The following TENM4 variants were observed in gnomAD, a reference collection of about 807,000 sequenced individuals.
TENM4 encodes the protein teneurin transmembrane protein 4, also known as teneurin-4.
Under a neutral mutation model 243.3 loss-of-function variants are expected in TENM4, and 82 were observed. The observed-to-expected ratio is 0.34, with a 90% CI of 0.28 to 0.40. The LOEUF (loss-of-function observed/expected upper bound fraction) is 0.40. TENM4 is among the 10% of genes least tolerant of loss of function. TENM4 has a pLI of 1.00. For synonymous variants in TENM4, 1,412 were observed against 1,456.3 expected, an observed-to-expected ratio of 0.97 and a Z score of 0.69; for missense variants, 3,138 against 3,673.3, an observed-to-expected ratio of 0.85 and a Z score of 3.77.
chr11:79,380,534 A>G (rs558247819), intron 1 of TENM4, among the ~76,000 whole-genome samples: 1 of 152,342 alleles, frequency 6.6e-6, no homozygotes, highest in African/African-American at 2.4e-5. Flanking sequence ...GATGTTAATA[A>G]GCATTAACAA....
intron 4 of TENM4, among the ~76,000 whole-genome samples, chr11:79,124,951 G>T (rs1447318771): frequency 6.8e-6 from 1 of 147,992 alleles, no homozygotes; most frequent in East Asian, 2.0e-4. Context: ...GATTAGTTCT[G>T]TCCCTCTAGA....
At chr11:78,668,198 T>C (rs1858209109) in intron 32 of TENM4, among the ~76,000 whole-genome samples, 1 of 152,222 alleles carries the variant, frequency 6.6e-6, no homozygotes, top group African/African-American at 2.4e-5. Context: ...TATTCTTTTT[T>C]TTCCCTCTTT....
chr11:79,072,498 AAAT>A (rs1036204268), intron 4 of TENM4, among the ~76,000 whole-genome samples: 10 of 151,984 alleles, frequency 6.6e-5, no homozygotes, highest in Non-Finnish European at 1.2e-4. Context: ...AAAAAAAAAA[AAAT>A]TACAATATCT....
At chr11:79,366,814 C>T (rs1857686306) in intron 1 of TENM4, among the ~76,000 whole-genome samples, 1 of 152,216 alleles carries the variant, frequency 6.6e-6, no homozygotes, top group Admixed American at 6.5e-5. Context: ...AATCACATCA[C>T]AATAAACAGT....
chr11:79,094,862 C>T (rs949574071), intron 4 of TENM4, among the ~76,000 whole-genome samples: 5 of 152,164 alleles, frequency 3.3e-5, no homozygotes, highest in Admixed American at 1.3e-4. Context: ...GCCTGATTTA[C>T]GAGGCTGCCT....
chr11:79,057,173 C>G (rs914492297), intron 6 of TENM4, among the ~76,000 whole-genome samples: 1 of 152,184 alleles, frequency 6.6e-6, no homozygotes, highest in African/African-American at 2.4e-5. Flanking sequence ...CTACTCTCAA[C>G]ACAGCTTCCA....
rs77599945 is a variant in TENM4, at chr11:78,670,743, G to A, written c.5794-192C>T. Among the ~76,000 whole-genome samples, 12 of 152,328 alleles carry A rather than the reference G, an allele frequency of 7.9e-5. No individual in the cohort carries two copies. In the East Asian group the frequency reaches 2.3e-3, roughly 29 times the overall value. On this transcript the variant is annotated intron_variant, in intron 31 of 33. Coordinates refer to ENST00000278550, the MANE Select transcript of TENM4 (RefSeq NM_001098816.3). ...GGGATACTGCAAATAGGTTACAGAT[G>A]TGCCAAGATGAGGCTTTCTCTCAGC...
intron 15 of TENM4, among the ~76,000 whole-genome samples, chr11:78,791,035 G>C (rs1327157935): frequency 6.6e-6 from 1 of 152,050 alleles, no homozygotes; most frequent in Non-Finnish European, 1.5e-5. Flanking sequence ...TTTACAAGCT[G>C]GGTTGTGAGC....
Position 78,812,740 on chromosome 11 carries a change from C to T in TENM4, c.1784-424G>A, listed in dbSNP as rs73498555. Among the ~76,000 whole-genome samples the T allele has an allele frequency of 9.0e-3, 1,373 of 152,256 alleles. 11 individuals are homozygous for T. Among genetic ancestry groups the T allele is most frequent in the Middle Eastern group, 0.027 (8 of 292 alleles). ...TCACTTCCCCACACCTCATCTGCAG[C>T]GCCACTTACTGTCCTCTTTAACCCA... On this transcript the variant is annotated intron_variant, in intron 13 of 33. Transcript: ENST00000278550.
At chr11:78,983,836 C>T (rs61882031) in intron 6 of TENM4, among the ~76,000 whole-genome samples, 1,977 of 152,320 alleles carry the variant, frequency 0.013, 25 homozygotes, top group Admixed American at 0.037. Flanking sequence ...GAGAGGGAGG[C>T]AGGAGCCCTG....
chr11:79,312,752 C>T (rs545564900), intron 1 of TENM4, among the ~76,000 whole-genome samples: 1 of 152,326 alleles, frequency 6.6e-6, no homozygotes, highest in South Asian at 2.1e-4. Flanking sequence ...TGCCACCAGT[C>T]GTGGTGAGGT....
intron 3 of TENM4, among the ~76,000 whole-genome samples, chr11:79,195,378 C>A (rs1200171815): frequency 6.6e-6 from 1 of 152,132 alleles, no homozygotes; most frequent in Non-Finnish European, 1.5e-5. Flanking sequence ...CAGCTTGCAC[C>A]GTGCACCTGC....
At chr11:79,078,220 C>T (rs555170626) in intron 4 of TENM4, among the ~76,000 whole-genome samples, 2 of 152,298 alleles carry the variant, frequency 1.3e-5, no homozygotes, top group Admixed American at 6.5e-5. Context: ...TGAATTCCTA[C>T]TGGACTAAAG....
At chr11:79,028,297 C>A (rs1470799127) in intron 6 of TENM4, among the ~76,000 whole-genome samples, 1 of 152,188 alleles carries the variant, frequency 6.6e-6, no homozygotes, top group Non-Finnish European at 1.5e-5. Context: ...CTGCTCAAAC[C>A]CATCTGAAGT....
intron 1 of TENM4, among the ~76,000 whole-genome samples, chr11:79,402,450 T>C (rs1203531973): frequency 6.6e-6 from 1 of 152,218 alleles, no homozygotes; most frequent in African/African-American, 2.4e-5. Flanking sequence ...ACTTTTGCAT[T>C]GCTGGAAAAA....
intron 2 of TENM4, among the ~76,000 whole-genome samples, chr11:79,251,363 C>T (rs1855609257): frequency 6.6e-6 from 1 of 152,236 alleles, no homozygotes; most frequent in African/African-American, 2.4e-5. Flanking sequence ...TATAAAAACT[C>T]AAACCTGCAC....
At chr11:79,326,394 C>G (rs971555680) in intron 1 of TENM4, among the ~76,000 whole-genome samples, 1 of 152,180 alleles carries the variant, frequency 6.6e-6, no homozygotes, top group African/African-American at 2.4e-5. Flanking sequence ...TTGCCTGTAT[C>G]TTTGCTCCTC....
intron 4 of TENM4, among the ~76,000 whole-genome samples, chr11:79,127,696 T>C (rs182366114): frequency 1.3e-5 from 2 of 152,224 alleles, no homozygotes; most frequent in Non-Finnish European, 1.5e-5. Context: ...GTCCATTACA[T>C]TGATGACCTT....
intron 28 of TENM4, among the ~76,000 whole-genome samples, chr11:78,695,220 AT>A (rs879902594): frequency 3.3e-4 from 50 of 151,218 alleles, no homozygotes; most frequent in African/African-American, 1.0e-3. Flanking sequence ...AGCTAATTAA[AT>A]TTTTTTTTGG....
Sources: allele counts gnomAD v4.1 joint callset (sites outside exome capture counted in the v4.1 genomes callset), GRCh38; gene constraint gnomAD v4.1.1; transcripts MANE v1.5; gene names NCBI Gene and HGNC (gene_info 2026-07-23, HGNC 2026-07-21).